Variants in ARMH3 observed in about 807,000 individuals in gnomAD.
ARMH3 encodes the protein armadillo like helical domain containing 3.
A neutral mutation model predicts 99.1 loss-of-function variants in ARMH3; 60 were observed. The ratio of observed to expected loss-of-function variants is 0.61; its 90% confidence interval spans 0.49 to 0.75. ARMH3 has a LOEUF of 0.75. Ranked by LOEUF, ARMH3 falls within the 30% of genes least tolerant of loss-of-function variation. ARMH3 has a pLI of 0.00. For synonymous variants in ARMH3, 285 were observed against 292.8 expected (o/e 0.97, Z 0.27); for missense variants, 679 against 843.1 (o/e 0.81, Z 2.41).
At chr10:102,006,223 C>T (rs968146123) in intron 14 of ARMH3, among the ~76,000 whole-genome samples, 1 of 152,236 alleles carries the variant, frequency 6.6e-6, no homozygotes, top group African/African-American at 2.4e-5. Flanking sequence ...AATATCTCAT[C>T]TGAGCCTCAC....
At chr10:101,902,460 A>G (rs937965419) in intron 23 of ARMH3, among the ~76,000 whole-genome samples, 3 of 152,184 alleles carry the variant, frequency 2.0e-5, no homozygotes, top group South Asian at 2.1e-4. Context: ...GGAGACAGAT[A>G]CAACCAACCA....
At chr10:101,893,461 T>C (rs2067742078) in intron 23 of ARMH3, among the ~76,000 whole-genome samples, 1 of 152,160 alleles carries the variant, frequency 6.6e-6, no homozygotes, top group South Asian at 2.1e-4. Flanking sequence ...TATTATTTTA[T>C]TCTTGCCTAG....
Position 101,936,683 on chromosome 10 carries a change from G to T in ARMH3, c.1781+3180C>A, listed in dbSNP as rs562149790. ...TATGTCCCCAAAAAGTGAAAGTGGG[G>T]TCTCAAACAGGTATCTGTATACCCA... On this transcript the variant is annotated intron_variant, in intron 23 of 25. Coordinates refer to ENST00000370033, the MANE Select transcript of ARMH3 (RefSeq NM_024541.3). Among the ~76,000 whole-genome samples, 4 of 151,984 alleles carry T rather than the reference G, an allele frequency of 2.6e-5. No homozygotes were observed. In the East Asian group the frequency reaches 7.7e-4, roughly 29 times the overall value.
At chr10:101,850,661 T>C (rs539964164) in intron 24 of ARMH3, among the ~76,000 whole-genome samples, 10 of 152,190 alleles carry the variant, frequency 6.6e-5, no homozygotes, top group Non-Finnish European at 1.2e-4. Flanking sequence ...CTGAACTCAG[T>C]TGATCCACCA....
chr10:101,912,371 G>A (rs1406909531), intron 23 of ARMH3, among the ~76,000 whole-genome samples: 2 of 130,574 alleles, frequency 1.5e-5, no homozygotes, highest in Middle Eastern at 5.0e-3. Flanking sequence ...CCAGCCTGGC[G>A]ACAGAGTGAG....
intron 11 of ARMH3, among the ~76,000 whole-genome samples, chr10:102,011,087 T>C (rs1206415247): frequency 6.6e-6 from 1 of 152,228 alleles, no homozygotes; most frequent in Non-Finnish European, 1.5e-5. Flanking sequence ...CCTAGATTTA[T>C]CTCTTCAAAA....
intron 23 of ARMH3, among the ~76,000 whole-genome samples, chr10:101,908,040 T>A (rs113124111): frequency 6.6e-4 from 100 of 152,302 alleles, no homozygotes; most frequent in Admixed American, 1.8e-3. Context: ...ACCAGCCACA[T>A]GTAGCTCCTA....
At chr10:102,007,170 A>G (rs1402273230) in intron 13 of ARMH3, among the ~76,000 whole-genome samples, 1 of 149,014 alleles carries the variant, frequency 6.7e-6, no homozygotes, top group Middle Eastern at 3.2e-3. Context: ...AAAAAAAAAA[A>G]AAAAAAAAGA....
chr10:102,004,638 T>C (rs2066441442), intron 14 of ARMH3, among the ~76,000 whole-genome samples: 1 of 152,198 alleles, frequency 6.6e-6, no homozygotes, highest in Non-Finnish European at 1.5e-5. Context: ...CTCATATATA[T>C]ATATATGGCT....
chr10:101,875,287 C>T (rs2067233832), intron 24 of ARMH3, among the ~76,000 whole-genome samples: 1 of 151,794 alleles, frequency 6.6e-6, no homozygotes, highest in African/African-American at 2.4e-5. Context: ...TGTAACAAAA[C>T]CACAGACCTC....
intron 2 of ARMH3, among the ~76,000 whole-genome samples, chr10:102,035,484 G>A (rs1376839934): frequency 2.0e-5 from 3 of 152,202 alleles, no homozygotes; most frequent in Non-Finnish European, 2.9e-5. Context: ...CTGCCATCTC[G>A]GCTCACTGCA....
intron 23 of ARMH3, among the ~76,000 whole-genome samples, chr10:101,926,229 C>T (rs1843503643): frequency 6.6e-6 from 1 of 152,098 alleles, no homozygotes; most frequent in African/African-American, 2.4e-5. Flanking sequence ...ACTCTGTCGC[C>T]CAGGCTGGAG....
chr10:102,037,183 C>CTTT (rs201412666), intron 2 of ARMH3, among the ~76,000 whole-genome samples: 2 of 137,390 alleles, frequency 1.5e-5, no homozygotes, highest in Non-Finnish European at 1.6e-5. Flanking sequence ...ATTTTGTTTT[C>CTTT]TTTTTTTTTT....
At chr10:101,859,474 A>T (rs572818320) in intron 24 of ARMH3, among the ~76,000 whole-genome samples, 3 of 152,228 alleles carry the variant, frequency 2.0e-5, no homozygotes, top group Non-Finnish European at 4.4e-5. Flanking sequence ...GAAATAAATA[A>T]ATCCTGTACA....
At chr10:101,933,430 C>G (rs1843812185) in intron 23 of ARMH3, among the ~76,000 whole-genome samples, 1 of 152,100 alleles carries the variant, frequency 6.6e-6, no homozygotes, top group Middle Eastern at 3.2e-3. Context: ...TGCAGTTCAC[C>G]AAGTCCAGCT....
At chr10:101,857,095 T>C (rs2066753811) in intron 24 of ARMH3, among the ~76,000 whole-genome samples, 1 of 152,168 alleles carries the variant, frequency 6.6e-6, no homozygotes. Flanking sequence ...CCACACTACC[T>C]TTCTAAGCTG....
chr10:101,986,438 A>G (rs1298431668), intron 19 of ARMH3, among the ~76,000 whole-genome samples: 1 of 151,404 alleles, frequency 6.6e-6, no homozygotes, highest in Admixed American at 6.6e-5. Flanking sequence ...TGCTCCAGGC[A>G]AGACCTTTCT....
intron 5 of ARMH3, among the ~76,000 whole-genome samples, chr10:102,027,004 T>G (rs1343800805): frequency 6.6e-6 from 1 of 152,166 alleles, no homozygotes; most frequent in East Asian, 1.9e-4. Flanking sequence ...ATGGGCTGGG[T>G]GCAGTGGCTC....
chr10:101,917,674 T>G (rs965123741), intron 23 of ARMH3, among the ~76,000 whole-genome samples: 1 of 152,230 alleles, frequency 6.6e-6, no homozygotes, highest in Non-Finnish European at 1.5e-5. Flanking sequence ...ATTTAGCAGA[T>G]ATGCAATTTC....
Sources: gnomAD v4.1 joint callset for allele counts (sites outside exome capture counted in the v4.1 genomes callset) on GRCh38, gnomAD v4.1.1 for gene constraint, MANE v1.5 for transcripts, NCBI Gene and HGNC (gene_info 2026-07-23, HGNC 2026-07-21) for gene names.